Variants in GALNT13 observed in about 807,000 individuals in gnomAD.
GALNT13 encodes UDP-GalNAc:polypeptide N-acetylgalactosaminyltransferase 13.
GALNT13 carries 28 observed loss-of-function variants against 64.2 expected under a neutral mutation model. The ratio of observed to expected loss-of-function variants is 0.44; its 90% CI spans 0.32 to 0.60. GALNT13 has a LOEUF of 0.60. Among genes scored for constraint, GALNT13 ranks in the 20% least tolerant of loss-of-function variants. GALNT13 has a pLI of 0.05. For synonymous variants in GALNT13, 214 were observed against 224.6 expected, an observed-to-expected ratio of 0.95 and a Z score of 0.42; for missense variants, 577 against 669.8, an observed-to-expected ratio of 0.86 and a Z score of 1.53.
chr2:153,886,727 T>C (rs1574046841), intron 1 of GALNT13, among the ~76,000 whole-genome samples: 1 of 152,058 alleles, frequency 6.6e-6, no homozygotes, highest in East Asian at 1.9e-4. Context: ...CAGTAACTTG[T>C]GGGCAGTTAG....
the GALNT13 span, among the ~76,000 whole-genome samples, chr2:153,683,139 C>G: frequency 6.6e-6 from 1 of 151,700 alleles, no homozygotes; most frequent in African/African-American, 2.4e-5. Context: ...TGGCACATAA[C>G]TAATGTTCGA....
intron 4 of GALNT13, among the ~76,000 whole-genome samples, chr2:154,144,095 A>G (rs553068394): frequency 1.3e-5 from 2 of 152,188 alleles, no homozygotes; most frequent in East Asian, 3.9e-4. Context: ...TCTCTGAAAT[A>G]ATATTAATGA....
intron 3 of GALNT13, among the ~76,000 whole-genome samples, chr2:154,083,955 C>T (rs1272604502): frequency 6.6e-6 from 1 of 151,742 alleles, no homozygotes; most frequent in East Asian, 1.9e-4. Flanking sequence ...GTGATGTTTT[C>T]ATTGATAGGA....
intron 3 of GALNT13, among the ~76,000 whole-genome samples, chr2:153,956,371 GA>G (rs1292638470): frequency 6.6e-6 from 1 of 152,186 alleles, no homozygotes; most frequent in Non-Finnish European, 1.5e-5. Context: ...ATTTGGTTCA[GA>G]TATAGAGACC....
chr2:154,180,724 T>C (rs1236427616), intron 4 of GALNT13, among the ~76,000 whole-genome samples: 1 of 152,152 alleles, frequency 6.6e-6, no homozygotes, highest in Non-Finnish European at 1.5e-5. Flanking sequence ...AATTAACCTG[T>C]GTGATAAATA....
At chr2:153,254,841 T>A in the GALNT13 span, among the ~76,000 whole-genome samples, 1 of 152,234 alleles carries the variant, frequency 6.6e-6, no homozygotes, top group African/African-American at 2.4e-5. Flanking sequence ...AGACAGTTTG[T>A]TATAATTTCT....
At chr2:153,118,630 C>G in the GALNT13 span, among the ~76,000 whole-genome samples, 10 of 151,978 alleles carry the variant, frequency 6.6e-5, no homozygotes, top group East Asian at 1.9e-3. Context: ...GGCATAAAGG[C>G]TCAATAAATA....
the GALNT13 span, among the ~76,000 whole-genome samples, chr2:153,258,599 A>G: frequency 1.3e-5 from 2 of 152,160 alleles, no homozygotes; most frequent in Non-Finnish European, 2.9e-5. Context: ...TTATTGCTAT[A>G]AACTTTCCTC....
intron 3 of GALNT13, among the ~76,000 whole-genome samples, chr2:154,083,945 G>A (rs764328666): frequency 1.3e-5 from 2 of 151,756 alleles, no homozygotes; most frequent in Non-Finnish European, 2.9e-5. Context: ...TGATTCAAAC[G>A]TGATGTTTTC....
intron 7 of GALNT13, among the ~76,000 whole-genome samples, chr2:154,257,083 A>C (rs1260755922): frequency 2.0e-5 from 3 of 152,164 alleles, no homozygotes; most frequent in Non-Finnish European, 4.4e-5. Flanking sequence ...CACAAAAAAA[A>C]CTATCCAGGA....
At chr2:154,336,212 CA>C (rs1434321755) in intron 9 of GALNT13, among the ~76,000 whole-genome samples, 1 of 152,016 alleles carries the variant, frequency 6.6e-6, no homozygotes, top group African/African-American at 2.4e-5. Flanking sequence ...TGGGGCAATC[CA>C]AATGGTTAAT....
the GALNT13 span, among the ~76,000 whole-genome samples, chr2:153,311,247 G>A: frequency 6.6e-6 from 1 of 152,086 alleles, no homozygotes; most frequent in African/African-American, 2.4e-5. Flanking sequence ...TAATTCAAAG[G>A]AACAAAAACT....
the GALNT13 span, among the ~76,000 whole-genome samples, chr2:153,133,167 C>T: frequency 1.2e-4 from 18 of 152,024 alleles, no homozygotes; most frequent in Middle Eastern, 3.4e-3. Context: ...ACTCAAAGCT[C>T]CCTTTCTGAA....
At chr2:153,851,426 G>T in the GALNT13 span, among the ~76,000 whole-genome samples, 1 of 152,018 alleles carries the variant, frequency 6.6e-6, no homozygotes, top group Non-Finnish European at 1.5e-5. Flanking sequence ...ATATCAGATA[G>T]AATTTTGCAT....
At chr2:153,439,155 G>C in the GALNT13 span, among the ~76,000 whole-genome samples, 1 of 152,136 alleles carries the variant, frequency 6.6e-6, no homozygotes, top group Admixed American at 6.5e-5. Context: ...AACCGCAAAT[G>C]CTGCTGCCTG....
the GALNT13 span, among the ~76,000 whole-genome samples, chr2:153,303,929 G>A: frequency 1.3e-4 from 20 of 151,978 alleles, no homozygotes; most frequent in African/African-American, 4.8e-4. Context: ...AGAATCTTCA[G>A]ACATTGCCGG....
chr2:153,332,264 T>C, the GALNT13 span, among the ~76,000 whole-genome samples: 9 of 152,206 alleles, frequency 5.9e-5, no homozygotes, highest in African/African-American at 2.2e-4. Flanking sequence ...CTAGATGTGA[T>C]GTTAGATGGC....
At chr2:153,533,143 A>G in the GALNT13 span, among the ~76,000 whole-genome samples, 1 of 152,128 alleles carries the variant, frequency 6.6e-6, no homozygotes, top group East Asian at 1.9e-4. Context: ...AGCCTTCTTT[A>G]AAAAATGTTT....
rs560704112 is a variant in GALNT13 at position 154,403,269 on chromosome 2, A to G, written c.1297-5715A>G. ...GGAGTTTGAGACCAGCCTGGCCAGCATGGTAAAACCGCATTTCTATTACAA... is the reference window on the plus strand; with the variant it reads ...GGAGTTTGAGACCAGCCTGGCCAGCGTGGTAAAACCGCATTTCTATTACAA... On this transcript the variant is annotated intron_variant, in intron 10 of 12. Transcript: ENST00000392825. 7.2e-5 allele frequency among the ~76,000 whole-genome samples: 11 copies of G among 152,244 alleles called. No individual in the cohort carries two copies. In the South Asian group the frequency reaches 1.7e-3, roughly 23 times the overall value.
Sources: allele counts gnomAD v4.1 joint callset (sites outside exome capture counted in the v4.1 genomes callset), GRCh38; gene constraint gnomAD v4.1.1; transcripts MANE v1.5; gene names NCBI Gene and HGNC (gene_info 2026-07-23, HGNC 2026-07-21).